The following NDUFS5 variants were observed in gnomAD, a reference collection of about 807,000 sequenced individuals.
The protein encoded by NDUFS5 is NADH dehydrogenase [ubiquinone] iron-sulfur protein 5.
NDUFS5 carries 7 observed loss-of-function variants against 10.5 expected under a neutral mutation model. The observed-to-expected ratio is 0.66, with a 90% CI of 0.38 to 1.25. The LOEUF is 1.25. NDUFS5 is among the 50% of genes most tolerant of loss of function. NDUFS5 has a pLI of 0.02. For synonymous variants in NDUFS5, 38 were observed against 44.0 expected (o/e 0.86, Z 0.54); for missense variants, 148 against 140.7 (o/e 1.05, Z -0.26).
rs964386492 is a variant in NDUFS5, at chr1:39,029,984, G to A, written c.216+1044G>A. Among the ~76,000 whole-genome samples the A allele has an allele frequency of 4.6e-5, 7 of 151,784 alleles. No homozygotes were observed. In the South Asian group the frequency reaches 8.3e-4, roughly 18 times the overall value. On this transcript the variant is annotated intron_variant, in intron 2 of 2. Transcript: ENST00000372969. The stretch of plus-strand genomic sequence containing the variant: ...TGGGTGCCTATAGTCCCAGCTGCTC[G>A]GGAGGCTGAGGCAGAAGAATTGCTT...
chr1:39,029,087 G>T, intron 2 of NDUFS5, 147 bp downstream of exon 2: 1 of 716,282 alleles, frequency 1.4e-6, no homozygotes, highest in South Asian at 1.9e-5. Context: ...CTGCCTCCCA[G>T]GTTCAGGCGA....
rs1333611467 is a variant in NDUFS5 at position 39,026,395 on chromosome 1, T to C, written c.-10T>C. ...CAGAGAAGAGTCAAGGGCACGAGCA[T>C]CGGGTAGGTAGGGGCTGCTTATGTC... On this transcript the variant is annotated 5_prime_UTR_variant, in exon 1 of 3. Coordinates refer to ENST00000372969, the MANE Select transcript of NDUFS5 (RefSeq NM_004552.3). 6.6e-6 allele frequency: 1 copy of C among 152,178 alleles called. No homozygotes were observed. The highest frequency in any genetic ancestry group is 1.9e-4 in the East Asian group (1 of 5,192). 9.4% of individuals were successfully genotyped at this position (152,178 alleles called of 1,614,324 possible).
intron 2 of NDUFS5, among the ~76,000 whole-genome samples, chr1:39,032,461 A>G (rs1382265343): frequency 6.6e-6 from 1 of 152,196 alleles, no homozygotes; most frequent in Non-Finnish European, 1.5e-5. Flanking sequence ...CTGAAGTTAT[A>G]TCAACACTAC....
intron 2 of NDUFS5, among the ~76,000 whole-genome samples, chr1:39,031,213 TG>T (rs1644188588): frequency 6.6e-6 from 1 of 151,766 alleles, no homozygotes; most frequent in African/African-American, 2.4e-5. Context: ...GGGGTCTTCT[TG>T]TGTTGCCCAG....
rs750624459 is a variant in NDUFS5, at chr1:39,028,684, G to A, written c.-2-39G>A. On this transcript the variant is annotated intron_variant, in intron 1 of 2. Transcript: ENST00000372969. ...TTTCTCAGTTGATTGCCCTCTTGTG[G>A]TATTTTATTTACTTATTTTTTTAAA... The A allele has an allele frequency of 7.0e-6, 11 of 1,577,708 alleles. No individual in the cohort carries two copies. The African/African-American group carries it at 1.2e-4, about 17-fold the overall frequency.
Position 39,028,842 on chromosome 1 carries a change from T to C in NDUFS5, c.118T>C (p.Trp40Arg). Residue 40 changes from tryptophan to arginine, a missense_variant, in exon 2 of 3, where the codon TGG (tryptophan) becomes CGG (arginine). Coordinates refer to ENST00000372969, the MANE Select transcript of NDUFS5 (RefSeq NM_004552.3). ...TCGATGCCATGCTTTTGAAAAAGAA[T>C]GGATAGAATGTGCACATGGAATCGG... Reference protein sequence around the residue: ...AGRCHAFEKEWIECAHGIGYT... With the variant: ...AGRCHAFEKERIECAHGIGYT... 1 of 1,614,118 alleles carries C rather than the reference T, an allele frequency of 6.2e-7. No individual in the cohort carries two copies. Among genetic ancestry groups the C allele is most frequent in the South Asian group, 1.1e-5 (1 of 91,084 alleles).
intron 2 of NDUFS5, among the ~76,000 whole-genome samples, chr1:39,033,038 G>A (rs973233601): frequency 6.6e-6 from 1 of 152,196 alleles, no homozygotes; most frequent in Non-Finnish European, 1.5e-5. Flanking sequence ...CTGTGTCACA[G>A]AATCCAGGGA....
chr1:39,031,932 G>A (rs1481298148), intron 2 of NDUFS5, among the ~76,000 whole-genome samples: 4 of 152,018 alleles, frequency 2.6e-5, no homozygotes, highest in African/African-American at 9.7e-5. Flanking sequence ...CTGAGGCGGT[G>A]GATTACCTGA....
At chr1:39,031,159 T>G (rs1644188279) in intron 2 of NDUFS5, among the ~76,000 whole-genome samples, 1 of 151,828 alleles carries the variant, frequency 6.6e-6, no homozygotes, top group African/African-American at 2.4e-5. Flanking sequence ...TGTGAGACAC[T>G]GCACCTGGCC....
rs907073417 is a variant in NDUFS5 at position 39,029,692 on chromosome 1, T to C, written c.216+752T>C. On this transcript the variant is annotated intron_variant, in intron 2 of 2. Transcript: ENST00000372969. ...ATTACATTCAACATCTTTGGATTCA[T>C]TCCACTCTGAAGAAGATGGAGGTGT... Among the ~76,000 whole-genome samples, 15 of 152,224 alleles carry C rather than the reference T, an allele frequency of 9.9e-5. 1 individual carries two copies. The highest frequency in any genetic ancestry group is 3.6e-4 in the African/African-American group (15 of 41,456).
intron 1 of NDUFS5, among the ~76,000 whole-genome samples, chr1:39,027,007 G>C (rs1176969044): frequency 6.6e-6 from 1 of 152,218 alleles, no homozygotes; most frequent in Non-Finnish European, 1.5e-5. Context: ...CCGCATCTGA[G>C]TGCCTGGAAC....
At chr1:39,032,882 C>G (rs535112549) in intron 2 of NDUFS5, among the ~76,000 whole-genome samples, 5 of 152,256 alleles carry the variant, frequency 3.3e-5, no homozygotes, top group Non-Finnish European at 5.9e-5. Context: ...CCTGAGCTGA[C>G]TGGAGGGAGC....
intron 2 of NDUFS5, among the ~76,000 whole-genome samples, chr1:39,031,794 C>A (rs905998684): frequency 4.6e-5 from 7 of 152,158 alleles, no homozygotes; most frequent in African/African-American, 7.2e-5. Flanking sequence ...GCTAGTGAGT[C>A]AGAATTAGAA....
At chr1:39,027,808 C>CTT (rs1644161845) in intron 1 of NDUFS5, among the ~76,000 whole-genome samples, 2 of 19,714 alleles carry the variant, frequency 1.0e-4, no homozygotes, top group African/African-American at 3.0e-4. Flanking sequence ...TTTTTTTCTT[C>CTT]TTCTTCTTTT....
intron 2 of NDUFS5, among the ~76,000 whole-genome samples, chr1:39,034,042 C>CA (rs904945144): frequency 9.9e-5 from 15 of 152,084 alleles, no homozygotes; most frequent in African/African-American, 3.1e-4. Context: ...CTCAGTGATC[C>CA]ACCCGCCTCA....
At position 39,034,608 on chromosome 1, in the gene NDUFS5, C is replaced by G. The variant is rs1644216314; in HGVS notation, c.*112C>G. 1 of 848,732 alleles carries G rather than the reference C, an allele frequency of 1.2e-6. No individual in the cohort carries two copies. Among genetic ancestry groups the G allele is most frequent in the Non-Finnish European group, 1.9e-6 (1 of 515,602 alleles). The allele number at this position is 848,732 out of a possible 1,614,324, so 52.6% of individuals were successfully genotyped here. The stretch of plus-strand genomic sequence containing the variant: ...AAGTGTGTAAAAATAAAGGATTGCT[C>G]CATCCTATTTGTTCTATTTTCTCTT... On this transcript the variant is annotated 3_prime_UTR_variant, in exon 3 of 3. Transcript: ENST00000372969.
At chr1:39,029,402 G>C (rs1471746321) in intron 2 of NDUFS5, among the ~76,000 whole-genome samples, 1 of 152,154 alleles carries the variant, frequency 6.6e-6, no homozygotes, top group African/African-American at 2.4e-5. Flanking sequence ...TTGGTACCAT[G>C]ATGAGGAAAT....
chr1:39,028,008 C>T (rs1440883925), intron 1 of NDUFS5, among the ~76,000 whole-genome samples: 4 of 147,822 alleles, frequency 2.7e-5, no homozygotes, highest in Admixed American at 6.7e-5. Flanking sequence ...TTAGTAGAGA[C>T]GGGATTTCAC....
intron 1 of NDUFS5, among the ~76,000 whole-genome samples, chr1:39,027,580 G>GTTTTTTTTTTTTTTTTTTTTTT (rs1557650948): frequency 2.3e-5 from 1 of 44,042 alleles, no homozygotes; most frequent in African/African-American, 5.2e-5. Context: ...CTTTCGCTCT[G>GTTTTTTTTTTTTTTTTTTTTTT]GTTTTTTTTT....
Sources: gnomAD v4.1 joint callset for allele counts (sites outside exome capture counted in the v4.1 genomes callset) on GRCh38, gnomAD v4.1.1 for gene constraint, MANE v1.5 for transcripts, NCBI Gene and HGNC (gene_info 2026-07-23, HGNC 2026-07-21) for gene names.